Variants in PHKB observed in about 807,000 individuals in gnomAD.
PHKB encodes the protein phosphorylase kinase regulatory subunit beta, also known as phosphorylase b kinase regulatory subunit beta.
Under a neutral mutation model 152.1 loss-of-function variants are expected in PHKB, and 122 were observed. That is an observed-to-expected ratio of 0.80 (90% CI 0.69 to 0.93). The LOEUF is 0.93. Among genes scored for constraint, PHKB ranks in the 40% least tolerant of loss-of-function variants. PHKB has a pLI of 0.00. For missense variants in PHKB, 1,304 were observed against 1,328.4 expected, an observed-to-expected ratio of 0.98 and a Z score of 0.29; for synonymous variants, 436 against 464.9, an observed-to-expected ratio of 0.94 and a Z score of 0.80.
At position 47,656,499 on chromosome 16, in the gene PHKB, A is replaced by G. The variant is rs147875499; in HGVS notation, c.1972-4007A>G. 3.6e-4 allele frequency among the ~76,000 whole-genome samples: 55 copies of G among 152,346 alleles called. 2 individuals are homozygous for G. In the Middle Eastern group the frequency reaches 0.01, roughly 28 times the overall value. On this transcript the variant is annotated intron_variant, in intron 20 of 30. Transcript: ENST00000323584. ...ATTTTTGAAGATCTTCTGAATTTAA[A>G]TATGTACTTTGCCATCTCTAAAAAT...
At chr16:47,492,850 G>C (rs1056830100) in intron 1 of PHKB, among the ~76,000 whole-genome samples, 8 of 152,138 alleles carry the variant, frequency 5.3e-5, no homozygotes, top group African/African-American at 1.9e-4. Flanking sequence ...CCCCACGTTG[G>C]GTGCTAAACT....
chr16:47,488,167 G>A (rs980718460), intron 1 of PHKB, among the ~76,000 whole-genome samples: 3 of 152,118 alleles, frequency 2.0e-5, no homozygotes, highest in African/African-American at 7.2e-5. Flanking sequence ...TTGTGGTTCT[G>A]AATTGCATTT....
chr16:47,669,564 T>G, intron 26 of PHKB, 147 bp downstream of exon 26: 1 of 723,806 alleles, frequency 1.4e-6, no homozygotes, highest in South Asian at 1.5e-5. Context: ...AGGCAATATC[T>G]GGGGGTATGA....
At chr16:47,630,608 C>T (rs1353361794) in intron 14 of PHKB, among the ~76,000 whole-genome samples, 1 of 152,170 alleles carries the variant, frequency 6.6e-6, no homozygotes, top group Non-Finnish European at 1.5e-5. Flanking sequence ...GACTCTACTC[C>T]CCATGAATGT....
chr16:47,619,238 G>T (rs541301730), intron 14 of PHKB: 1 of 152,324 alleles, frequency 6.6e-6, no homozygotes, highest in African/African-American at 2.4e-5. Flanking sequence ...AGGAAGGAGG[G>T]AATGTCAAGC....
At chr16:47,672,488 A>G (rs17740045) in intron 26 of PHKB, among the ~76,000 whole-genome samples, 2,557 of 152,270 alleles carry the variant, frequency 0.017, 23 homozygotes, top group Middle Eastern at 0.031. Flanking sequence ...CAGACTGAGA[A>G]GTATAGGTTA....
intron 7 of PHKB, among the ~76,000 whole-genome samples, chr16:47,556,497 C>A (rs887508297): frequency 3.3e-5 from 5 of 152,044 alleles, no homozygotes; most frequent in Non-Finnish European, 5.9e-5. Context: ...GAATTTTGTC[C>A]AAGGCCTTTT....
chr16:47,617,176 A>G (rs997044504), intron 14 of PHKB, among the ~76,000 whole-genome samples: 3 of 148,398 alleles, frequency 2.0e-5, no homozygotes, highest in Non-Finnish European at 4.5e-5. Context: ...ATGTATAAAT[A>G]TACATTATAT....
At position 47,589,038 on chromosome 16, in the gene PHKB, G is replaced by C; in HGVS notation, c.1004G>C (p.Arg335Thr). The C allele has an allele frequency of 6.2e-7, 1 of 1,613,742 alleles. No individual in the cohort carries two copies. The highest frequency in any genetic ancestry group is 1.3e-5 in the African/African-American group (1 of 75,038). The change falls in exon 10 of 31, where the codon AGA (arginine) becomes ACA (threonine). Residue 335 changes from arginine (R) to threonine (T), a missense_variant. By Grantham distance (71) the Arg-to-Thr change is moderately conservative. Coordinates refer to ENST00000323584, the MANE Select transcript of PHKB (RefSeq NM_000293.3). ...AAATATGGATTTAAACGTTTCTTGA[G>C]AGATGGGTATAGAACATCATTGGAA... is the stretch of plus-strand genomic sequence containing the variant. ...KGKYGFKRFL[R>T]DGYRTSLEDP...
chr16:47,560,806 A>G (rs1324293799), intron 7 of PHKB, among the ~76,000 whole-genome samples: 1 of 152,232 alleles, frequency 6.6e-6, no homozygotes, highest in African/African-American at 2.4e-5. Context: ...TTAAAAGTAT[A>G]GAATTCTTTT....
chr16:47,554,732 G>T (rs536958621), intron 7 of PHKB, among the ~76,000 whole-genome samples: 1 of 152,208 alleles, frequency 6.6e-6, no homozygotes, highest in South Asian at 2.1e-4. Flanking sequence ...ATCGTTCCTC[G>T]CAGCATAGTC....
At chr16:47,598,016 T>C (rs1972154086) in intron 13 of PHKB, 1 of 152,108 alleles carries the variant, frequency 6.6e-6, no homozygotes, top group South Asian at 2.1e-4. Flanking sequence ...CAACAAAATA[T>C]AATAAAATTA....
intron 13 of PHKB, among the ~76,000 whole-genome samples, chr16:47,605,163 T>G (rs992087136): frequency 1.3e-5 from 2 of 152,224 alleles, no homozygotes; most frequent in African/African-American, 4.8e-5. Context: ...GTTTCTGTAT[T>G]TGCTAACCGA....
Position 47,526,633 on chromosome 16 carries a change from GA to G in PHKB, c.594+11041del, listed in dbSNP as rs1008191418. Among the ~76,000 whole-genome samples the G allele has an allele frequency of 8.8e-5, 13 of 147,968 alleles. No individual in the cohort carries two copies. The South Asian group carries it at 1.7e-3, about 19-fold the overall frequency. On this transcript the variant is annotated intron_variant, in intron 6 of 30. Transcript: ENST00000323584. ...CATCTCTTAAACAAAAAAGCAAAAA[GA>G]AAAAAAAATAGCTTTTATTTTATGG...
chr16:47,511,556 C>G, intron 4 of PHKB, 109 bp from the exon 5 acceptor site: 2 of 805,296 alleles, frequency 2.5e-6, no homozygotes, highest in Non-Finnish European at 4.3e-6. Flanking sequence ...GTTCGGTCCT[C>G]TGCCTTAGCT....
intron 20 of PHKB, among the ~76,000 whole-genome samples, chr16:47,654,570 A>G (rs1416478149): frequency 1.3e-5 from 2 of 152,158 alleles, no homozygotes; most frequent in Non-Finnish European, 2.9e-5. Flanking sequence ...CAACAATGAT[A>G]GACTGGATTA....
chr16:47,662,450 A>C (rs1338090501), intron 23 of PHKB, among the ~76,000 whole-genome samples: 1 of 152,232 alleles, frequency 6.6e-6, no homozygotes, highest in Non-Finnish European at 1.5e-5. Flanking sequence ...TAGCTATTCA[A>C]AAATGTTTGG....
At chr16:47,612,700 G>C (rs1218847781) in intron 14 of PHKB, among the ~76,000 whole-genome samples, 2 of 152,180 alleles carry the variant, frequency 1.3e-5, no homozygotes. Flanking sequence ...TACAGTTTCC[G>C]AGAGGGAGGT....
intron 7 of PHKB, among the ~76,000 whole-genome samples, chr16:47,569,927 C>T (rs1428031081): frequency 6.6e-6 from 1 of 152,150 alleles, no homozygotes. Context: ...CTGGCCTAGC[C>T]CTTTCATTTA....
Sources: gnomAD v4.1 joint callset for allele counts (sites outside exome capture counted in the v4.1 genomes callset) on GRCh38, gnomAD v4.1.1 for gene constraint, MANE v1.5 for transcripts, NCBI Gene and HGNC (gene_info 2026-07-23, HGNC 2026-07-21) for gene names.